PCP4: variants seen among roughly 807,000 people sequenced by gnomAD.
PCP4 encodes the protein calmodulin regulator protein PCP4.
PCP4 carries 8 observed loss-of-function variants against 10.0 expected under a neutral mutation model. The observed-to-expected ratio is 0.80, with a 90% confidence interval of 0.47 to 1.45. PCP4 has a LOEUF of 1.45. Ranked by LOEUF, PCP4 falls within the 40% of genes most tolerant of loss-of-function variation. The pLI is 0.00. For missense variants in PCP4, 54 were observed against 74.4 expected (o/e 0.73, Z 1.01); for synonymous variants, 21 against 23.0 (o/e 0.91, Z 0.24).
chr21:39,903,292 A>C (rs900853565), intron 2 of PCP4, among the ~76,000 whole-genome samples: 1 of 152,218 alleles, frequency 6.6e-6, no homozygotes, highest in Non-Finnish European at 1.5e-5. Flanking sequence ...GCTGTGATGC[A>C]TTTGTTTCTA....
intron 2 of PCP4, among the ~76,000 whole-genome samples, chr21:39,909,378 C>T (rs1274562712): frequency 6.6e-6 from 1 of 152,214 alleles, no homozygotes; most frequent in Middle Eastern, 3.2e-3. Flanking sequence ...CCTTCAGTCT[C>T]ATCATGAGCA....
At position 39,899,563 on chromosome 21, in the gene PCP4, G is replaced by C. The variant is rs548081803; in HGVS notation, c.61+1036G>C. ...CCTGCCAATATGCCCACCCATTTAG[G>C]GCAGTCCTATTGGGCAGGGTGAGTG... On this transcript the variant is annotated intron_variant, in intron 2 of 2. Transcript: ENST00000328619. Among the ~76,000 whole-genome samples the C allele has an allele frequency of 6.2e-4, 94 of 152,234 alleles. 6 individuals are homozygous for C. In the South Asian group the frequency reaches 0.019, roughly 31 times the overall value.
At chr21:39,913,392 A>G (rs1443299000) in intron 2 of PCP4, among the ~76,000 whole-genome samples, 1 of 152,190 alleles carries the variant, frequency 6.6e-6, no homozygotes, top group African/African-American at 2.4e-5. Context: ...ATCAGCACCC[A>G]TCTTTGTTTA....
chr21:39,879,420 G>A (rs1423245175), intron 1 of PCP4, among the ~76,000 whole-genome samples: 1 of 152,086 alleles, frequency 6.6e-6, no homozygotes, highest in Non-Finnish European at 1.5e-5. Flanking sequence ...TCATTTCTCA[G>A]GCACTATTCT....
chr21:39,884,895 C>T lies in PCP4; in HGVS notation c.10-13581C>T, dbSNP rs541711490. Among the ~76,000 whole-genome samples the T allele has an allele frequency of 6.6e-5, 10 of 152,268 alleles. No individual in the cohort carries two copies. In the South Asian group the frequency reaches 2.1e-3, roughly 32 times the overall value. On this transcript the variant is annotated intron_variant, in intron 1 of 2. Transcript: ENST00000328619. ...CAGTCCTTTCTTTCTACCCTTGGCC[C>T]TAGAGCCCACATTCTTCACCAGCAC...
intron 1 of PCP4, among the ~76,000 whole-genome samples, chr21:39,884,750 A>G (rs1180609750): frequency 6.6e-6 from 1 of 152,036 alleles, no homozygotes; most frequent in East Asian, 2.0e-4. Context: ...GTGAGTGGAG[A>G]TCATGCCACT....
intron 1 of PCP4, among the ~76,000 whole-genome samples, chr21:39,892,549 G>A (rs147054492): frequency 1.2e-3 from 176 of 151,660 alleles, no homozygotes; most frequent in Non-Finnish European, 2.1e-3. Context: ...AGAATTTTGT[G>A]TTTTAAAACT....
chr21:39,883,654 T>G (rs2087386539), intron 1 of PCP4: 1 of 152,196 alleles, frequency 6.6e-6, no homozygotes, highest in Non-Finnish European at 1.5e-5. Flanking sequence ...CTGTATTCTA[T>G]TTTATTTTAA....
At chr21:39,891,369 G>A (rs1216540670) in intron 1 of PCP4, among the ~76,000 whole-genome samples, 1 of 152,156 alleles carries the variant, frequency 6.6e-6, no homozygotes, top group Non-Finnish European at 1.5e-5. Context: ...TTGCCTTGGG[G>A]CTTCCTCATC....
chr21:39,871,744 T>G (rs1942139067), intron 1 of PCP4, among the ~76,000 whole-genome samples: 1 of 152,158 alleles, frequency 6.6e-6, no homozygotes. Flanking sequence ...TTGTTAAGAG[T>G]TGCCATAAAA....
At chr21:39,899,133 A>G (rs1002688895) in intron 2 of PCP4, among the ~76,000 whole-genome samples, 2 of 152,170 alleles carry the variant, frequency 1.3e-5, no homozygotes, top group Non-Finnish European at 2.9e-5. Flanking sequence ...GAGGCTTGGC[A>G]TTGGGGTGAG....
rs140911767 is a variant in PCP4, at chr21:39,924,330, C to G, written c.62-4654C>G. Among the ~76,000 whole-genome samples the G allele has an allele frequency of 1.9e-3, 296 of 152,294 alleles. 1 individual carries two copies. The highest frequency in any genetic ancestry group is 6.9e-3 in the African/African-American group (288 of 41,566). On this transcript the variant is annotated intron_variant, in intron 2 of 2. Transcript: ENST00000328619. Reference sequence around the variant, plus strand: ...GGCTTTTGTTTTCCAGATGAGAAAACTGAGCACCAGAGAAGCTAAGAACTT... The same window carrying G: ...GGCTTTTGTTTTCCAGATGAGAAAAGTGAGCACCAGAGAAGCTAAGAACTT...
intron 1 of PCP4, among the ~76,000 whole-genome samples, chr21:39,894,395 A>G (rs1398020589): frequency 6.6e-6 from 1 of 152,242 alleles, no homozygotes; most frequent in East Asian, 1.9e-4. Context: ...ATTCGCAGAT[A>G]TCTGAATGCA....
intron 2 of PCP4, among the ~76,000 whole-genome samples, chr21:39,914,582 A>AAAG (rs1270085782): frequency 4.0e-5 from 6 of 151,424 alleles, no homozygotes; most frequent in Non-Finnish European, 5.9e-5. Context: ...TCAAAAAAAA[A>AAAG]AAAAAGAAAA....
chr21:39,925,723 G>A (rs987658779), intron 2 of PCP4, among the ~76,000 whole-genome samples: 2 of 152,110 alleles, frequency 1.3e-5, no homozygotes, highest in African/African-American at 2.4e-5. Context: ...AGTAGAAAGG[G>A]CCCCCTGTAC....
chr21:39,898,425 C>T, intron 1 of PCP4, 51 bp from the exon 2 acceptor site: 2 of 1,424,354 alleles, frequency 1.4e-6, no homozygotes, highest in Non-Finnish European at 2.0e-6. Context: ...CAAAAGTAAT[C>T]CCGAGTATAT....
chr21:39,899,896 C>A (rs897618461), intron 2 of PCP4, among the ~76,000 whole-genome samples: 1 of 152,106 alleles, frequency 6.6e-6, no homozygotes, highest in African/African-American at 2.4e-5. Flanking sequence ...GAGCATAGGG[C>A]GCTGTGAGCC....
chr21:39,885,015 A>G (rs2087393247), intron 1 of PCP4, among the ~76,000 whole-genome samples: 1 of 152,218 alleles, frequency 6.6e-6, no homozygotes, highest in Non-Finnish European at 1.5e-5. Flanking sequence ...ATTAAATCTC[A>G]TAGTGCGACA....
chr21:39,888,051 C>CCAT (rs1568852714), intron 1 of PCP4, among the ~76,000 whole-genome samples: 1 of 152,186 alleles, frequency 6.6e-6, no homozygotes, highest in African/African-American at 2.4e-5. Context: ...CGAGATGCTG[C>CCAT]CATTCCAGGG....
Sources: allele counts gnomAD v4.1 joint callset (sites outside exome capture counted in the v4.1 genomes callset), GRCh38; gene constraint gnomAD v4.1.1; transcripts MANE v1.5; gene names NCBI Gene and HGNC (gene_info 2026-07-23, HGNC 2026-07-21).